CIMIP2A: variants seen among roughly 807,000 people sequenced by gnomAD.
CIMIP2A encodes the protein family with sequence similarity 166 member A.
the CIMIP2A span, chr9:137,245,135 C>T: frequency 6.3e-7 from 1 of 1,598,108 alleles, no homozygotes; most frequent in Non-Finnish European, 8.5e-7. Flanking sequence ...CCAGCTGCGG[C>T]AGCCGCTGGA....
the CIMIP2A span, chr9:137,245,575 C>T: frequency 2.3e-5 from 37 of 1,613,578 alleles, no homozygotes; most frequent in African/African-American, 4.3e-4. Context: ...AACAGGGCAG[C>T]CTGTGAGTGC....
the CIMIP2A span, chr9:137,243,675 TAC>T: frequency 3.1e-6 from 5 of 1,614,098 alleles, no homozygotes; most frequent in Non-Finnish European, 4.2e-6. Context: ...ATCCATGCTG[TAC>T]AGACACCACC....
the CIMIP2A span, chr9:137,245,624 G>A: frequency 1.9e-6 from 3 of 1,610,902 alleles, no homozygotes; most frequent in South Asian, 2.2e-5. Flanking sequence ...GCAGGGCTGG[G>A]GACTGGCAGC....
the CIMIP2A span, chr9:137,245,107 G>C: frequency 1.2e-6 from 2 of 1,609,050 alleles, no homozygotes; most frequent in Admixed American, 1.7e-5. Flanking sequence ...GCCTTGCGTT[G>C]GATTAGGTTA....
At chr9:137,251,602 G>C in the CIMIP2A span, 2 of 1,158,836 alleles carry the variant, frequency 1.7e-6, no homozygotes, top group Non-Finnish European at 2.4e-6. Flanking sequence ...GGGGCTGAGG[G>C]ACAGTGTGGG....
the CIMIP2A span, chr9:137,243,629 G>A: frequency 5.6e-6 from 9 of 1,613,774 alleles, no homozygotes; most frequent in Non-Finnish European, 7.6e-6. Context: ...CCTGTGGCCT[G>A]TCCCACTGTG....
At chr9:137,251,787 G>T in the CIMIP2A span, 1 of 1,593,626 alleles carries the variant, frequency 6.3e-7, no homozygotes, top group South Asian at 1.1e-5. Context: ...GATGGCCTGG[G>T]ATGAGACACA....
At chr9:137,245,456 G>T in the CIMIP2A span, 12 of 1,613,818 alleles carry the variant, frequency 7.4e-6, no homozygotes, top group East Asian at 2.2e-4. Flanking sequence ...GCAGGCAGCA[G>T]AATCTGTCTG....
chr9:137,244,229 G>A, the CIMIP2A span: 85 of 1,613,800 alleles, frequency 5.3e-5, no homozygotes, highest in Non-Finnish European at 9.3e-6. Context: ...TGTGGTTGCT[G>A]GGCCAGTGTG....
the CIMIP2A span, chr9:137,243,759 C>T: frequency 1.6e-5 from 26 of 1,614,058 alleles, no homozygotes; most frequent in African/African-American, 2.7e-5. Context: ...GTGCTGTTGC[C>T]GAATGTCAGG....
At chr9:137,245,179 G>A in the CIMIP2A span, 65 of 1,146,304 alleles carry the variant, frequency 5.7e-5, 1 homozygote, top group African/African-American at 5.5e-4. Flanking sequence ...TGCTGGCGGC[G>A]GGCGGGGGGT....
At chr9:137,245,302 G>T in the CIMIP2A span, 1 of 1,579,794 alleles carries the variant, frequency 6.3e-7, no homozygotes, top group East Asian at 2.2e-5. Flanking sequence ...GCATCCCCTG[G>T]CTGCCTGGTG....
At chr9:137,243,768 G>C in the CIMIP2A span, 14 of 1,613,836 alleles carry the variant, frequency 8.7e-6, no homozygotes, top group Non-Finnish European at 1.1e-5. Context: ...CCGAATGTCA[G>C]GGCGTAGTTG....
chr9:137,251,705 G>T, the CIMIP2A span: 3 of 1,552,526 alleles, frequency 1.9e-6, no homozygotes, highest in Non-Finnish European at 2.6e-6. Flanking sequence ...AGCGGCCGGG[G>T]GCTGAGACAG....
At chr9:137,255,113 C>G in the CIMIP2A span, 1 of 161,786 alleles carries the variant, frequency 6.2e-6, no homozygotes, top group African/African-American at 2.4e-5. Flanking sequence ...AGCAGACGGA[C>G]CCTGAGTCCG....
chr9:137,251,052 G>A, the CIMIP2A span: 4 of 537,610 alleles, frequency 7.4e-6, no homozygotes, highest in Non-Finnish European at 1.0e-5. Flanking sequence ...TGGAAAGGTT[G>A]CGGGGAGGGA....
At chr9:137,244,842 C>G in the CIMIP2A span, 2 of 1,567,952 alleles carry the variant, frequency 1.3e-6, no homozygotes, top group Non-Finnish European at 1.7e-6. Context: ...GGCTCCCTTT[C>G]GTTCCCTGAA....
chr9:137,251,465 G>C, the CIMIP2A span: 1 of 1,261,210 alleles, frequency 7.9e-7, no homozygotes, highest in Non-Finnish European at 1.1e-6. Context: ...GGACAGTGTG[G>C]GGGGCAGGTT....
the CIMIP2A span, chr9:137,245,208 C>G: frequency 1.9e-6 from 3 of 1,581,242 alleles, no homozygotes; most frequent in Middle Eastern, 3.4e-4. Flanking sequence ...ATCCCTCTGG[C>G]AGTGGTACAG....
Sources: allele counts gnomAD v4.1 joint callset, GRCh38; gene constraint gnomAD v4.1.1; transcripts MANE v1.5; gene names NCBI Gene and HGNC (gene_info 2026-07-23, HGNC 2026-07-21).